Variants in UNC13C observed in about 807,000 individuals in gnomAD.
UNC13C encodes unc-13 homolog C, also known as protein unc-13 homolog C.
Under a neutral mutation model 245.4 loss-of-function variants are expected in UNC13C, and 174 were observed. The observed-to-expected ratio is 0.71, with a 90% CI of 0.63 to 0.80. The LOEUF (loss-of-function observed/expected upper bound fraction) is 0.80, where lower values mean the gene tolerates loss of function less well. UNC13C is among the 30% of genes least tolerant of loss of function. The pLI, the probability that UNC13C is intolerant of heterozygous loss-of-function variation, is 0.00. For synonymous variants in UNC13C, 992 were observed against 895.1 expected, an observed-to-expected ratio of 1.11 and a Z score of -1.93; for missense variants, 2,829 against 2,602.9, an observed-to-expected ratio of 1.09 and a Z score of -1.89.
At chr15:54,615,120 T>A (rs191857570) in intron 30 of UNC13C, among the ~76,000 whole-genome samples, 1 of 152,140 alleles carries the variant, frequency 6.6e-6, no homozygotes, top group East Asian at 1.9e-4. Context: ...CGTGGGTACA[T>A]GAGATGTTTT....
At chr15:54,461,637 A>G (rs1891851233) in intron 19 of UNC13C, among the ~76,000 whole-genome samples, 1 of 152,174 alleles carries the variant, frequency 6.6e-6, no homozygotes, top group Admixed American at 6.5e-5. Context: ...GATAATGCAG[A>G]AGAGAAAGTA....
chr15:53,884,986 A>C, the UNC13C span, among the ~76,000 whole-genome samples: 1 of 152,352 alleles, frequency 6.6e-6, no homozygotes, highest in East Asian at 1.9e-4. Flanking sequence ...TTAGTGACTA[A>C]TACTGCAATG....
chr15:54,013,499 A>G lies in UNC13C; in HGVS notation c.596A>G (p.Glu199Gly). 1.2e-6 allele frequency: 2 copies of G among 1,613,946 alleles called. No individual in the cohort carries two copies. The highest frequency in any genetic ancestry group is 1.7e-6 in the Non-Finnish European group (2 of 1,179,860). ...KSQECVSSDS[E>G]LSTMKKSWGI... ...CAAGAATGTGTCTCCTCAGACTCAG[A>G]GTTAAGCACCATGAAAAAATCCTGG... Residue 199 changes from glutamate to glycine, a missense_variant, in exon 2 of 33, where the codon GAG becomes GGG. Transcript: ENST00000260323.
intron 13 of UNC13C, chr15:54,321,663 G>A (rs141015877): frequency 1.7e-4 from 64 of 370,056 alleles, no homozygotes; most frequent in African/African-American, 1.2e-3. Flanking sequence ...AACTGACTTC[G>A]ACATGACAAC....
At chr15:54,282,347 G>A (rs573131385) in intron 10 of UNC13C, among the ~76,000 whole-genome samples, 12 of 152,126 alleles carry the variant, frequency 7.9e-5, no homozygotes, top group East Asian at 1.9e-4. Context: ...CAGCCCCTTC[G>A]CCAGACTTGT....
chr15:54,274,415 T>C (rs1039613379), intron 10 of UNC13C, among the ~76,000 whole-genome samples: 20 of 152,186 alleles, frequency 1.3e-4, no homozygotes, highest in African/African-American at 4.8e-4. Flanking sequence ...TCCTATCATA[T>C]GTATAATACT....
chr15:53,936,848 C>CA, the UNC13C span, among the ~76,000 whole-genome samples: 1 of 152,094 alleles, frequency 6.6e-6, no homozygotes, highest in South Asian at 2.1e-4. Flanking sequence ...ACAACATCAA[C>CA]AAAAAGTCCC....
intron 30 of UNC13C, among the ~76,000 whole-genome samples, chr15:54,615,703 T>C (rs1337433861): frequency 1.3e-5 from 2 of 152,036 alleles, no homozygotes; most frequent in African/African-American, 4.8e-5. Flanking sequence ...AAAGTTGTTT[T>C]GTTTATTTTT....
chr15:54,056,806 A>T (rs1035629753), intron 2 of UNC13C, among the ~76,000 whole-genome samples: 1 of 152,176 alleles, frequency 6.6e-6, no homozygotes, highest in African/African-American at 2.4e-5. Flanking sequence ...GCCCAATATT[A>T]AACATTCTTA....
chr15:54,087,552 C>T (rs1899312495), intron 2 of UNC13C, among the ~76,000 whole-genome samples: 1 of 152,160 alleles, frequency 6.6e-6, no homozygotes, highest in Admixed American at 6.5e-5. Context: ...TTAGCATATG[C>T]ATTGCCAAAG....
chr15:54,485,240 G>C (rs1294582549), intron 19 of UNC13C, among the ~76,000 whole-genome samples: 1 of 152,156 alleles, frequency 6.6e-6, no homozygotes, highest in Admixed American at 6.5e-5. Flanking sequence ...AAAGAAACTG[G>C]ATACAATCTT....
intron 18 of UNC13C, among the ~76,000 whole-genome samples, chr15:54,393,803 A>G (rs1299926551): frequency 6.6e-6 from 1 of 151,832 alleles, no homozygotes; most frequent in Non-Finnish European, 1.5e-5. Context: ...CCTGGGTCTC[A>G]ATTTCCTCCC....
intron 2 of UNC13C, among the ~76,000 whole-genome samples, chr15:54,133,433 T>A (rs1255197248): frequency 6.6e-6 from 1 of 152,220 alleles, no homozygotes; most frequent in Non-Finnish European, 1.5e-5. Context: ...TCAGTTTTTT[T>A]ATTTTAAATT....
At chr15:54,039,492 A>G (rs889864429) in intron 2 of UNC13C, among the ~76,000 whole-genome samples, 1 of 152,206 alleles carries the variant, frequency 6.6e-6, no homozygotes, top group African/African-American at 2.4e-5. Flanking sequence ...AAAAATAACC[A>G]ACTAGAATCC....
At chr15:54,296,704 C>A (rs1286185132) in intron 11 of UNC13C, among the ~76,000 whole-genome samples, 2 of 152,116 alleles carry the variant, frequency 1.3e-5, no homozygotes, top group Non-Finnish European at 2.9e-5. Flanking sequence ...GTACCTTATA[C>A]GGCTAAAGAT....
intron 30 of UNC13C, among the ~76,000 whole-genome samples, chr15:54,593,808 C>A (rs1596636362): frequency 6.6e-6 from 1 of 152,154 alleles, no homozygotes; most frequent in Admixed American, 6.5e-5. Context: ...GCTTAACTAA[C>A]CTCCTGAATT....
the UNC13C span, among the ~76,000 whole-genome samples, chr15:53,888,995 C>G: frequency 2.1e-4 from 32 of 152,144 alleles, no homozygotes; most frequent in African/African-American, 7.7e-4. Context: ...ATCCCTCCAG[C>G]TTTGTTCTTT....
rs1477929877 is a variant in UNC13C, at chr15:54,494,690, G to A, written c.5016G>A (p.Val1672=). ...TTAAATGGTTTTATAATGAATATGTGCGTGAACTTCCTGCCTTCAAGGATG... is the reference window on the plus strand; with the variant it reads ...TTAAATGGTTTTATAATGAATATGTACGTGAACTTCCTGCCTTCAAGGATG... ...FKVKWFYNEY[V]RELPAFKDAV... is the part of the protein sequence containing the mutation. The change falls in exon 20 of 33, where the codon GTG becomes GTA. Residue 1672 remains valine (V), a synonymous_variant. Transcript: ENST00000260323. 1.9e-6 allele frequency: 3 copies of A among 1,611,378 alleles called. No homozygotes were observed. The highest frequency in any genetic ancestry group is 2.5e-6 in the Non-Finnish European group (3 of 1,178,680).
In UNC13C at chr15:54,012,682, T is replaced by A. The variant is rs1247030038; in HGVS notation, c.-222T>A. Among the ~76,000 whole-genome samples, 1 of 152,200 alleles carries A rather than the reference T, an allele frequency of 6.6e-6. No homozygotes were observed. Among genetic ancestry groups the A allele is most frequent in the Non-Finnish European group, 1.5e-5 (1 of 68,030 alleles). On this transcript the variant is annotated 5_prime_UTR_variant, in exon 2 of 33. Transcript: ENST00000260323. ...GGAGTTATGTGGAAATGAGAGAGAT[T>A]CATGAAACCCCTCCTCCAGGAAAGA...
Sources: gnomAD v4.1 joint callset for allele counts (sites outside exome capture counted in the v4.1 genomes callset) on GRCh38, gnomAD v4.1.1 for gene constraint, MANE v1.5 for transcripts, NCBI Gene and HGNC (gene_info 2026-07-23, HGNC 2026-07-21) for gene names.